FCHO2: variants seen among roughly 807,000 people sequenced by gnomAD.
FCHO2 encodes F-BAR domain only protein 2.
FCHO2 carries 43 observed loss-of-function variants against 114.1 expected under a neutral mutation model. The ratio of observed to expected loss-of-function variants is 0.38; its 90% CI spans 0.30 to 0.49. The LOEUF is 0.49. FCHO2 is among the 20% of genes least tolerant of loss of function. FCHO2 has a pLI of 0.97. For missense variants in FCHO2, 807 were observed against 950.4 expected (o/e 0.85, Z 1.98); for synonymous variants, 293 against 315.2 (o/e 0.93, Z 0.75).
chr5:72,978,218 A>G (rs1752991918), intron 2 of FCHO2, among the ~76,000 whole-genome samples: 2 of 152,172 alleles, frequency 1.3e-5, no homozygotes, highest in South Asian at 4.1e-4. Context: ...CATTTTCACA[A>G]TATGATTCTT....
In FCHO2 at chr5:73,052,364, G is replaced by T; in HGVS notation, c.1030G>T (p.Asp344Tyr). ...AGAGAACCATTTCTACTCATCTAGTGATTCTGACTCCGAAGATGAAGAACC... is the reference window on the plus strand; with the variant it reads ...AGAGAACCATTTCTACTCATCTAGTTATTCTGACTCCGAAGATGAAGAACC... Reference protein sequence around the residue: ...TKENHFYSSSDSDSEDEEPKK... With the variant: ...TKENHFYSSSYSDSEDEEPKK... Residue 344 changes from aspartate (D) to tyrosine (Y), a missense_variant, in exon 13 of 26, where the codon GAT becomes TAT. Coordinates refer to ENST00000430046, the MANE Select transcript of FCHO2 (RefSeq NM_138782.3). The T allele has an allele frequency of 6.2e-7, 1 of 1,609,084 alleles. No homozygotes were observed.
At chr5:73,001,503 G>T (rs2112701089) in intron 5 of FCHO2, among the ~76,000 whole-genome samples, 1 of 149,646 alleles carries the variant, frequency 6.7e-6, no homozygotes, top group African/African-American at 2.4e-5. Context: ...ATTAGTTAGT[G>T]CTTCTCTTGT....
At chr5:72,978,730 ATATTGGC>A (rs1475821668) in intron 2 of FCHO2, among the ~76,000 whole-genome samples, 1 of 152,136 alleles carries the variant, frequency 6.6e-6, no homozygotes, top group African/African-American at 2.4e-5. Flanking sequence ...ATTCAGTATG[ATATTGGC>A]TGTGGGTTTG....
intron 1 of FCHO2, among the ~76,000 whole-genome samples, chr5:72,959,705 A>G (rs1021469000): frequency 2.6e-5 from 4 of 152,196 alleles, no homozygotes; most frequent in African/African-American, 9.6e-5. Context: ...AAACTTGTCA[A>G]AGTGAGGTAG....
At chr5:73,034,928 AG>A (rs1321403087) in intron 9 of FCHO2, among the ~76,000 whole-genome samples, 5 of 152,226 alleles carry the variant, frequency 3.3e-5, no homozygotes, top group Non-Finnish European at 5.9e-5. Flanking sequence ...ATATTTTTAA[AG>A]ATTGAGTATA....
chr5:72,958,043 GTTTTT>G (rs567866910), intron 1 of FCHO2, among the ~76,000 whole-genome samples: 1 of 142,720 alleles, frequency 7.0e-6, no homozygotes, highest in African/African-American at 2.6e-5. Flanking sequence ...AGTTGTAAGA[GTTTTT>G]TTTTTTTTAA....
At chr5:72,984,458 G>T (rs1232802341) in intron 2 of FCHO2, among the ~76,000 whole-genome samples, 2 of 152,186 alleles carry the variant, frequency 1.3e-5, no homozygotes, top group East Asian at 1.9e-4. Flanking sequence ...AAAGATTATT[G>T]TTTTTTCCTT....
At chr5:72,966,227 TA>T (rs1752192491) in intron 1 of FCHO2, among the ~76,000 whole-genome samples, 1 of 152,220 alleles carries the variant, frequency 6.6e-6, no homozygotes, top group African/African-American at 2.4e-5. Flanking sequence ...AAACTTTTTT[TA>T]AAAAACTGAA....
At chr5:72,997,594 T>C in intron 5 of FCHO2, 1 of 1,368,542 alleles carries the variant, frequency 7.3e-7, no homozygotes, top group Admixed American at 1.7e-5. Context: ...GGTTCACCGC[T>C]GATGTTCGTT....
chr5:73,083,772 A>G (rs1428759715), intron 24 of FCHO2, among the ~76,000 whole-genome samples: 1 of 151,934 alleles, frequency 6.6e-6, no homozygotes, highest in Non-Finnish European at 1.5e-5. Flanking sequence ...CACGCCTGTA[A>G]TTCCAGCTAT....
At chr5:72,969,576 T>A (rs1450741970) in intron 2 of FCHO2, among the ~76,000 whole-genome samples, 1 of 152,142 alleles carries the variant, frequency 6.6e-6, no homozygotes, top group Non-Finnish European at 1.5e-5. Context: ...CCTTCCCTCT[T>A]CCCCTACACT....
intron 22 of FCHO2, among the ~76,000 whole-genome samples, chr5:73,079,862 C>G (rs1227156495): frequency 6.6e-6 from 1 of 152,144 alleles, no homozygotes; most frequent in Non-Finnish European, 1.5e-5. Flanking sequence ...GGAACCCACC[C>G]TCCCAAGTAT....
intron 19 of FCHO2, 101 bp from the exon 20 acceptor site, chr5:73,074,641 G>A: frequency 9.9e-7 from 1 of 1,011,408 alleles, no homozygotes; most frequent in East Asian, 2.6e-5. Context: ...GAAACCAGTG[G>A]TAGGGTCGTT....
chr5:73,061,173 C>G (rs868540047), intron 17 of FCHO2, among the ~76,000 whole-genome samples: 5 of 151,996 alleles, frequency 3.3e-5, no homozygotes, highest in African/African-American at 1.2e-4. Flanking sequence ...TGTTGCTTTG[C>G]CACCTTGTCG....
Position 73,037,175 on chromosome 5 carries a change from T to C in FCHO2, c.874T>C (p.Leu292=), listed in dbSNP as rs1433887298. ...IKPRKRKTFA[L]PGIIKKEKDA... is the part of the protein sequence containing the mutation. Reference sequence around the variant, plus strand: ...ACCAAGGAAAAGAAAGACCTTTGCTTTGCCAGGAATCATTAAAAAGGAAAA... The same window carrying C: ...ACCAAGGAAAAGAAAGACCTTTGCTCTGCCAGGAATCATTAAAAAGGAAAA... The change falls in exon 10 of 26, where the codon TTG becomes CTG. Residue 292 remains leucine, a synonymous_variant. Coordinates refer to ENST00000430046, the MANE Select transcript of FCHO2 (RefSeq NM_138782.3). 6.3e-7 allele frequency: 1 copy of C among 1,594,024 alleles called. No individual in the cohort carries two copies. Among genetic ancestry groups the C allele is most frequent in the African/African-American group, 1.4e-5 (1 of 73,960 alleles).
intron 11 of FCHO2, among the ~76,000 whole-genome samples, chr5:73,045,545 A>C (rs1031396064): frequency 1.3e-5 from 2 of 152,246 alleles, no homozygotes; most frequent in African/African-American, 4.8e-5. Flanking sequence ...GCTATTAGAA[A>C]TAAAGTTACT....
At chr5:73,051,230 AC>A in intron 11 of FCHO2, 118 bp from the exon 12 acceptor site, 1 of 616,636 alleles carries the variant, frequency 1.6e-6, no homozygotes, top group Non-Finnish European at 2.8e-6. Context: ...CATTTCATTA[AC>A]CTGTTGATAT....
intron 1 of FCHO2, among the ~76,000 whole-genome samples, chr5:72,965,426 A>G (rs1412248616): frequency 6.6e-6 from 1 of 152,252 alleles, no homozygotes; most frequent in Non-Finnish European, 1.5e-5. Flanking sequence ...AGAAGTGAGC[A>G]CATGCAGTTG....
intron 8 of FCHO2, among the ~76,000 whole-genome samples, chr5:73,026,662 G>A (rs1251116767): frequency 6.6e-6 from 1 of 152,012 alleles, no homozygotes; most frequent in Non-Finnish European, 1.5e-5. Context: ...CTTATTGTAT[G>A]TACTGACACT....
Sources: allele counts gnomAD v4.1 joint callset (sites outside exome capture counted in the v4.1 genomes callset), GRCh38; gene constraint gnomAD v4.1.1; transcripts MANE v1.5; gene names NCBI Gene and HGNC (gene_info 2026-07-23, HGNC 2026-07-21).